PAAF1: variants seen among roughly 807,000 people sequenced by gnomAD.
The protein encoded by PAAF1 is proteasomal ATPase-associated factor 1.
PAAF1 carries 46 observed loss-of-function variants against 52.8 expected under a neutral mutation model. That is an observed-to-expected ratio of 0.87 (90% CI 0.69 to 1.11). The LOEUF (loss-of-function observed/expected upper bound fraction) is 1.11. PAAF1 is among the 50% of genes most tolerant of loss of function. The probability of loss-of-function intolerance (pLI) is 0.00; values close to 1 mark genes in which losing one functional copy is unlikely to be tolerated. For missense variants in PAAF1, 424 were observed against 477.4 expected, an observed-to-expected ratio of 0.89 and a Z score of 1.04; for synonymous variants, 178 against 172.8, an observed-to-expected ratio of 1.03 and a Z score of -0.24.
intron 10 of PAAF1, among the ~76,000 whole-genome samples, chr11:73,920,346 C>T (rs904957805): frequency 1.3e-5 from 2 of 151,802 alleles, no homozygotes; most frequent in African/African-American, 4.8e-5. Context: ...TCAGCCTGGG[C>T]AACATAGGAG....
At chr11:73,895,219 T>C (rs1284913653) in intron 4 of PAAF1, among the ~76,000 whole-genome samples, 1 of 152,188 alleles carries the variant, frequency 6.6e-6, no homozygotes, top group African/African-American at 2.4e-5. Context: ...GTTGGGATGA[T>C]TCAAAAAATT....
chr11:73,901,161 A>G (rs1263031174), intron 6 of PAAF1, among the ~76,000 whole-genome samples: 2 of 152,046 alleles, frequency 1.3e-5, no homozygotes, highest in East Asian at 1.9e-4. Flanking sequence ...GGGAACAGTA[A>G]AAGCTGGGTG....
intron 2 of PAAF1, chr11:73,880,299 T>C (rs1049265052): frequency 2.0e-5 from 3 of 151,874 alleles, no homozygotes; most frequent in South Asian, 2.1e-4. Context: ...TACACAAATA[T>C]ATATATATAC....
At chr11:73,904,817 A>G (rs1455551305) in intron 6 of PAAF1, among the ~76,000 whole-genome samples, 1 of 152,234 alleles carries the variant, frequency 6.6e-6, no homozygotes, top group African/African-American at 2.4e-5. Flanking sequence ...TATTTCAGGA[A>G]TAGTTTCATC....
At chr11:73,911,413 C>T (rs538077319) in intron 7 of PAAF1, among the ~76,000 whole-genome samples, 7 of 151,616 alleles carry the variant, frequency 4.6e-5, no homozygotes, top group Admixed American at 3.9e-4. Flanking sequence ...GAACTCATGG[C>T]CTCAAGTGAT....
At chr11:73,909,688 T>G in intron 7 of PAAF1, 95 bp downstream of exon 7, 6 of 1,113,288 alleles carry the variant, frequency 5.4e-6, no homozygotes, top group Non-Finnish European at 7.9e-6. Context: ...CCTTTTCTGC[T>G]CTGTGCCTGG....
chr11:73,909,381 GTTT>G lies in PAAF1; in HGVS notation c.533-13_533-11del. 1.2e-6 allele frequency: 2 copies of G among 1,612,710 alleles called. No individual in the cohort carries two copies. Among genetic ancestry groups the G allele is most frequent in the Non-Finnish European group, 8.5e-7 (1 of 1,179,256 alleles). ...TTTACTCCATCCTCCATCTTAGGGA[GTTT>G]TTTTCTCTTGCTAGGTATCCTGGAT... On this transcript the variant is annotated splice_polypyrimidine_tract_variant and intron_variant, in intron 6 of 11. Coordinates refer to ENST00000310571, the MANE Select transcript of PAAF1 (RefSeq NM_025155.3).
At chr11:73,900,030 G>T (rs914471341) in intron 5 of PAAF1, among the ~76,000 whole-genome samples, 3 of 151,800 alleles carry the variant, frequency 2.0e-5, no homozygotes, top group Admixed American at 2.0e-4. Flanking sequence ...CTAGGCTCTG[G>T]GGTGTTTTTA....
intron 2 of PAAF1, among the ~76,000 whole-genome samples, chr11:73,886,041 G>A (rs1949049425): frequency 6.6e-6 from 1 of 152,144 alleles, no homozygotes; most frequent in Admixed American, 6.6e-5. Context: ...TTATAGACAT[G>A]AATATATAAG....
chr11:73,930,038 A>G lies in PAAF1; in HGVS notation c.*2676A>G, dbSNP rs894268866. The G allele has an allele frequency of 1.3e-5, 2 of 152,058 alleles. No individual in the cohort carries two copies. The highest frequency in any genetic ancestry group is 4.9e-5 in the African/African-American group (2 of 41,060). 9.4% of individuals were successfully genotyped at this position (152,058 alleles called of 1,614,324 possible). A position where few individuals can be genotyped will look rare whatever the true frequency, so the allele number is the denominator to read the frequency against. On this transcript the variant is annotated 3_prime_UTR_variant, in exon 12 of 12. Coordinates refer to ENST00000310571, the MANE Select transcript of PAAF1 (RefSeq NM_025155.3). ...GCCATTGCGCTCCAGCCTGGGCAAC[A>G]AGAGTGAAACTCCGTCTCAAAAAAA... is the stretch of plus-strand genomic sequence containing the variant.
intron 6 of PAAF1, among the ~76,000 whole-genome samples, chr11:73,905,372 C>T (rs1027015711): frequency 1.1e-4 from 16 of 151,924 alleles, no homozygotes; most frequent in African/African-American, 2.9e-4. Context: ...TACAGGTACA[C>T]GCCACCATGC....
intron 11 of PAAF1, among the ~76,000 whole-genome samples, chr11:73,926,420 C>T (rs1950359708): frequency 6.7e-6 from 1 of 149,632 alleles, no homozygotes; most frequent in South Asian, 2.3e-4. Context: ...TTTAAAAATT[C>T]TTGCGTAGTG....
At position 73,891,129 on chromosome 11, in the gene PAAF1, A is replaced by G. The variant is rs138443378; in HGVS notation, c.210A>G (p.Ser70=). The change falls in exon 4 of 12, where the codon TCA becomes TCG. Residue 70 remains serine, a synonymous_variant. Transcript: ENST00000310571. ...TTGTTTAGAAAAGCATTCATATTTC[A>G]TGTCCAAAGGAAAATGCATCTTCTA... is the stretch of plus-strand genomic sequence containing the variant. ...NEINKKSIHI[S]CPKENASSKF... is the part of the protein sequence containing the mutation. 50 of 1,596,638 alleles carry G rather than the reference A, an allele frequency of 3.1e-5. No homozygotes were observed. The African/African-American group carries it at 5.9e-4, about 19-fold the overall frequency.
At chr11:73,920,578 C>A (rs923333258) in intron 10 of PAAF1, among the ~76,000 whole-genome samples, 1 of 151,864 alleles carries the variant, frequency 6.6e-6, no homozygotes, top group African/African-American at 2.4e-5. Context: ...AGTGACTGGG[C>A]GTGGTGGCTC....
chr11:73,900,514 A>T, intron 6 of PAAF1, 94 bp downstream of exon 6: 1 of 1,386,086 alleles, frequency 7.2e-7, no homozygotes, highest in Non-Finnish European at 9.7e-7. Context: ...TCACAAATAC[A>T]CAAATAATCC....
At chr11:73,898,190 TG>T in intron 4 of PAAF1, among the ~76,000 whole-genome samples, 1 of 13,232 alleles carries the variant, frequency 7.6e-5, no homozygotes, top group South Asian at 1.9e-3. Flanking sequence ...AGGGAGACCG[TG>T]GGGAGAGGGA....
chr11:73,922,220 A>T (rs1950238039), intron 10 of PAAF1: 1 of 711,784 alleles, frequency 1.4e-6, no homozygotes, highest in Non-Finnish European at 2.5e-6. Context: ...TTCAACCCAG[A>T]GGAGCAGATT....
chr11:73,877,057 G>T lies in PAAF1; in HGVS notation c.36G>T (p.Ala12=). ...CTTTGAGGATTCAGAGCGACTGGGC[G>T]CAAGCCCTCAGGTGAATCCAGGCCC... ...AAPLRIQSDW[A]QALRKDEGEA... The change falls in exon 1 of 12, where the codon GCG becomes GCT. Residue 12 remains alanine, a synonymous_variant. Coordinates refer to ENST00000310571, the MANE Select transcript of PAAF1 (RefSeq NM_025155.3). 6.5e-7 allele frequency: 1 copy of T among 1,538,448 alleles called. No individual in the cohort carries two copies. The highest frequency in any genetic ancestry group is 8.8e-7 in the Non-Finnish European group (1 of 1,140,162).
intron 3 of PAAF1, among the ~76,000 whole-genome samples, chr11:73,889,487 A>G (rs1949146164): frequency 6.6e-6 from 1 of 152,186 alleles, no homozygotes; most frequent in Non-Finnish European, 1.5e-5. Context: ...ATTTTCATTA[A>G]CAGCATGATT....
Sources: gnomAD v4.1 joint callset for allele counts (sites outside exome capture counted in the v4.1 genomes callset) on GRCh38, gnomAD v4.1.1 for gene constraint, MANE v1.5 for transcripts, NCBI Gene and HGNC (gene_info 2026-07-23, HGNC 2026-07-21) for gene names.